Variants in THSD7A observed in about 807,000 individuals in gnomAD.
THSD7A encodes thrombospondin type 1 domain containing 7A.
In THSD7A, 96 loss-of-function variants were observed where a neutral mutation model predicts 231.3. The observed-to-expected ratio is 0.41, with a 90% CI of 0.35 to 0.49. The LOEUF (loss-of-function observed/expected upper bound fraction) is 0.49. Ranked by LOEUF, THSD7A falls within the 20% of genes least tolerant of loss-of-function variation. THSD7A has a pLI of 0.05. For synonymous variants in THSD7A, 940 were observed against 743.3 expected, an observed-to-expected ratio of 1.26 and a Z score of -4.30; for missense variants, 2,290 against 2,070.2, an observed-to-expected ratio of 1.11 and a Z score of -2.06.
chr7:11,484,536 ATTGG>A (rs1310381293), intron 6 of THSD7A, among the ~76,000 whole-genome samples: 1 of 152,042 alleles, frequency 6.6e-6, no homozygotes, highest in African/African-American at 2.4e-5. Flanking sequence ...ATTTTAATTA[ATTGG>A]TTAATATGTT....
chr7:11,823,431 T>C (rs1314453006), intron 1 of THSD7A, among the ~76,000 whole-genome samples: 1 of 152,092 alleles, frequency 6.6e-6, no homozygotes, highest in African/African-American at 2.4e-5. Flanking sequence ...GCTCTGGCTA[T>C]TTGGGTTCTT....
In THSD7A at chr7:11,570,377, G is replaced by C. The variant is rs565285051; in HGVS notation, c.1453+20083C>G. The stretch of plus-strand genomic sequence containing the variant: ...TAGTGGAAAGAGGGGGATGAGAAGA[G>C]GATGGTTAATGGGGCAAATACACAG... On this transcript the variant is annotated intron_variant, in intron 4 of 27. Transcript: ENST00000423059. 1.1e-4 allele frequency among the ~76,000 whole-genome samples: 17 copies of C among 152,134 alleles called. No homozygotes were observed. The East Asian group carries it at 3.3e-3, about 29-fold the overall frequency.
At chr7:11,548,354 A>C (rs538005259) in intron 4 of THSD7A, among the ~76,000 whole-genome samples, 8 of 152,246 alleles carry the variant, frequency 5.3e-5, no homozygotes, top group African/African-American at 1.9e-4. Context: ...TCTAAAGTTG[A>C]AACAGTAATA....
rs887473681 is a variant in THSD7A at position 11,651,533 on chromosome 7, A to G, written c.191-14572T>C. Among the ~76,000 whole-genome samples the G allele has an allele frequency of 8.1e-4, 122 of 150,910 alleles. 1 individual carries two copies. Among genetic ancestry groups the G allele is most frequent in the Non-Finnish European group, 1.2e-3 (81 of 67,746 alleles). ...TATCTATCTATCTATCTAGCACTAC[A>G]ATGAACTATAGCCCACCCTTTTTTA... is the stretch of plus-strand genomic sequence containing the variant. On this transcript the variant is annotated intron_variant, in intron 1 of 27. Coordinates refer to ENST00000423059, the MANE Select transcript of THSD7A (RefSeq NM_015204.3).
At chr7:11,612,314 G>A (rs1446480369) in intron 2 of THSD7A, among the ~76,000 whole-genome samples, 1 of 152,170 alleles carries the variant, frequency 6.6e-6, no homozygotes, top group Non-Finnish European at 1.5e-5. Flanking sequence ...CACTCTCTAG[G>A]TTCCCAGAAC....
chr7:11,553,584 T>C (rs1789721187), intron 4 of THSD7A, among the ~76,000 whole-genome samples: 1 of 152,202 alleles, frequency 6.6e-6, no homozygotes, highest in Middle Eastern at 3.4e-3. Context: ...TCCAGAGAAA[T>C]ACATATTAAA....
chr7:11,411,472 G>C lies in THSD7A; in HGVS notation c.3683-150C>G. Reference sequence around the variant, plus strand: ...CCCCATGCAGAGCATATGGGTCCCAGCTTTGAACGTATCAGGAGTCAAATG... The same window carrying C: ...CCCCATGCAGAGCATATGGGTCCCACCTTTGAACGTATCAGGAGTCAAATG... On this transcript the variant is annotated intron_variant, in intron 18 of 27. Coordinates refer to ENST00000423059, the MANE Select transcript of THSD7A (RefSeq NM_015204.3). The surrounding 1 kb of genome is among the most constrained non-coding windows in gnomAD (Gnocchi z 4.1). 1.7e-6 allele frequency: 1 copy of C among 602,434 alleles called. No homozygotes were observed. Among genetic ancestry groups the C allele is most frequent in the Non-Finnish European group, 2.9e-6 (1 of 342,262 alleles). 37.3% of individuals were successfully genotyped at this position (602,434 alleles called of 1,614,324 possible).
chr7:11,825,686 G>A (rs1271595416), intron 1 of THSD7A, among the ~76,000 whole-genome samples: 1 of 152,062 alleles, frequency 6.6e-6, no homozygotes, highest in African/African-American at 2.4e-5. Context: ...CCTATAGAAT[G>A]CATCCCATTA....
At position 11,460,745 on chromosome 7, in the gene THSD7A, C is replaced by A. The variant is rs118134876; in HGVS notation, c.2522G>T (p.Arg841Leu). The A allele has an allele frequency of 6.2e-7, 1 of 1,611,964 alleles. No homozygotes were observed. ...QSYRWKTHKW[R>L]RCQLVPWSVQ... ...GCTCCAAGGGACTAATTGGCATCTG[C>A]GCCATTTGTGAGTCTTCCACCTACA... The change falls in exon 11 of 28, where the codon CGC becomes CTC. Residue 841 changes from arginine to leucine, a missense_variant. By Grantham distance (102) the Arg-to-Leu change is moderately radical (BLOSUM62 -2). Transcript: ENST00000423059.
At chr7:11,433,035 G>A (rs1175370804) in intron 13 of THSD7A, among the ~76,000 whole-genome samples, 3 of 151,952 alleles carry the variant, frequency 2.0e-5, no homozygotes, top group South Asian at 4.1e-4. Flanking sequence ...GTGAGACATA[G>A]AAGACAGAAA....
intron 2 of THSD7A, among the ~76,000 whole-genome samples, chr7:11,628,745 A>C (rs1429010284): frequency 6.6e-6 from 1 of 152,224 alleles, no homozygotes; most frequent in East Asian, 1.9e-4. Context: ...TAAGTAAATA[A>C]ATGCATAGTG....
chr7:11,637,783 G>GT lies in THSD7A; in HGVS notation c.191-823dup, dbSNP rs528738048. 4.5e-3 allele frequency among the ~76,000 whole-genome samples: 681 copies of GT among 152,006 alleles called. 3 individuals are homozygous for GT. Among genetic ancestry groups the GT allele is most frequent in the African/African-American group, 0.016 (643 of 41,438 alleles). ...TCAGTGGCTTTAATATGAAATATGG[G>GT]TTTTTTTCTGTGAAATCCTTCTTAG... On this transcript the variant is annotated intron_variant, in intron 1 of 27. Coordinates refer to ENST00000423059, the MANE Select transcript of THSD7A (RefSeq NM_015204.3). This position sits in a 1 kb window ranked among gnomAD's most constrained non-coding sequence, Gnocchi z 4.2.
chr7:11,572,278 G>C (rs918967314), intron 4 of THSD7A, among the ~76,000 whole-genome samples: 7 of 152,064 alleles, frequency 4.6e-5, no homozygotes, highest in African/African-American at 1.7e-4. Flanking sequence ...TTGTCCTCAA[G>C]ATCAACAATG....
chr7:11,401,388 A>C (rs1022025394), intron 23 of THSD7A, among the ~76,000 whole-genome samples: 1 of 152,116 alleles, frequency 6.6e-6, no homozygotes, highest in Admixed American at 6.6e-5. Flanking sequence ...CCTCAGCCTC[A>C]AGTGACATCT....
chr7:11,376,268 C>A lies in THSD7A; in HGVS notation c.4889+302G>T, dbSNP rs182703643. ...TGATTAGGTATTACTGTAATATCTT[C>A]CTCCATTAGTAATTCAATATAAAAA... On this transcript the variant is annotated intron_variant, in intron 27 of 27. Coordinates refer to ENST00000423059, the MANE Select transcript of THSD7A (RefSeq NM_015204.3). 2.6e-5 allele frequency among the ~76,000 whole-genome samples: 4 copies of A among 152,148 alleles called. 1 individual carries two copies. Among genetic ancestry groups the A allele is most frequent in the Admixed American group, 2.6e-4 (4 of 15,240 alleles).
chr7:11,706,630 C>CTTTTTTT lies in THSD7A; in HGVS notation c.191-69676_191-69670dup, dbSNP rs66964252. On this transcript the variant is annotated intron_variant, in intron 1 of 27. Coordinates refer to ENST00000423059, the MANE Select transcript of THSD7A (RefSeq NM_015204.3). ...ATTGACTAAAAATTTTAACAAGGTG[C>CTTTTTTT]TTTTTTTTTTTTTTTTTTTTTTTTT... Among the ~76,000 whole-genome samples the CTTTTTTT allele has an allele frequency of 4.1e-4, 27 of 66,388 alleles. 1 individual carries two copies. The highest frequency in any genetic ancestry group is 2.2e-3 in the East Asian group (5 of 2,284). 43.6% of individuals were successfully genotyped at this position (66,388 alleles called of 152,430 possible).
At chr7:11,434,710 G>C (rs1784578169) in intron 13 of THSD7A, among the ~76,000 whole-genome samples, 1 of 151,900 alleles carries the variant, frequency 6.6e-6, no homozygotes, top group Admixed American at 6.6e-5. Context: ...CTGGGAATGA[G>C]AAAATGTAGC....
chr7:11,532,405 A>G (rs1788744944), intron 6 of THSD7A, among the ~76,000 whole-genome samples: 1 of 152,198 alleles, frequency 6.6e-6, no homozygotes, highest in Non-Finnish European at 1.5e-5. Context: ...ATCTAAAACA[A>G]GTAGAATTGG....
At chr7:11,464,162 C>CTT (rs111595345) in intron 9 of THSD7A, among the ~76,000 whole-genome samples, 4 of 149,476 alleles carry the variant, frequency 2.7e-5, no homozygotes, top group East Asian at 2.0e-4. Context: ...TGTCCATAAT[C>CTT]TTTTTTTTTT....
Sources: allele counts gnomAD v4.1 joint callset (sites outside exome capture counted in the v4.1 genomes callset), GRCh38; gene constraint gnomAD v4.1.1; non-coding constraint Gnocchi (gnomAD v3.1); transcripts MANE v1.5; gene names NCBI Gene and HGNC (gene_info 2026-07-23, HGNC 2026-07-21).